The following PTPN14 variants were observed in gnomAD, a reference collection of about 807,000 sequenced individuals.
The protein encoded by PTPN14 is tyrosine-protein phosphatase non-receptor type 14.
PTPN14 carries 53 observed loss-of-function variants against 126.8 expected under a neutral mutation model. The ratio of observed to expected loss-of-function variants is 0.42; its 90% confidence interval spans 0.34 to 0.53. PTPN14 has a LOEUF of 0.53. PTPN14 is among the 20% of genes least tolerant of loss of function. PTPN14 has a pLI of 0.08. For synonymous variants in PTPN14, 630 were observed against 599.3 expected (o/e 1.05, Z -0.75); for missense variants, 1,257 against 1,552.9 (o/e 0.81, Z 3.20).
rs1162442710 is a variant in PTPN14, at chr1:214,543,795, T to C, written c.-155+7388A>G. On this transcript the variant is annotated intron_variant, in intron 1 of 18. Coordinates refer to ENST00000366956, the MANE Select transcript of PTPN14 (RefSeq NM_005401.5). ...CACCATGCCCAGCTAATTTTTGTAC[T>C]TTTAGTAGAGACGGGGGTTATTACT... 2.0e-5 allele frequency among the ~76,000 whole-genome samples: 3 copies of C among 152,152 alleles called. No homozygotes were observed. The East Asian group carries it at 5.8e-4, about 29-fold the overall frequency.
intron 8 of PTPN14, among the ~76,000 whole-genome samples, chr1:214,396,267 T>C (rs1254352602): frequency 2.6e-5 from 4 of 152,226 alleles, no homozygotes; most frequent in African/African-American, 9.7e-5. Flanking sequence ...GCATGTTTAC[T>C]CTCTATGTCA....
intron 2 of PTPN14, among the ~76,000 whole-genome samples, chr1:214,459,211 A>G (rs577401727): frequency 7.1e-4 from 106 of 149,784 alleles, no homozygotes; most frequent in African/African-American, 2.6e-3. Context: ...CAGTGGCACA[A>G]TCTCAATCTC....
At chr1:214,481,997 A>G (rs1487633624) in intron 1 of PTPN14, among the ~76,000 whole-genome samples, 1 of 152,006 alleles carries the variant, frequency 6.6e-6, no homozygotes, top group Non-Finnish European at 1.5e-5. Context: ...CAAAAAAAAA[A>G]AAAAAGGCAA....
Position 214,450,672 on chromosome 1 carries a change from G to A in PTPN14, c.344+1133C>T, listed in dbSNP as rs575550595. On this transcript the variant is annotated intron_variant, in intron 3 of 18. Transcript: ENST00000366956. ...CAAGCATTCAGAATGACAAGGTCCGGGTAAAAGGCAAAAAGTAAAGGGTTT... is the reference window on the plus strand; with the variant it reads ...CAAGCATTCAGAATGACAAGGTCCGAGTAAAAGGCAAAAAGTAAAGGGTTT... 4.6e-5 allele frequency among the ~76,000 whole-genome samples: 7 copies of A among 152,122 alleles called. No homozygotes were observed. The South Asian group carries it at 1.2e-3, about 27-fold the overall frequency.
intron 5 of PTPN14, among the ~76,000 whole-genome samples, chr1:214,410,151 T>C (rs537899649): frequency 3.9e-5 from 6 of 152,160 alleles, no homozygotes; most frequent in Non-Finnish European, 7.4e-5. Flanking sequence ...TTTGATACAA[T>C]CTCATTTATT....
At chr1:214,502,878 G>A (rs1002019889) in intron 1 of PTPN14, among the ~76,000 whole-genome samples, 10 of 152,112 alleles carry the variant, frequency 6.6e-5, no homozygotes, top group Admixed American at 5.9e-4. Flanking sequence ...ATGTATTCAG[G>A]CTTCCCTCAG....
At chr1:214,459,726 C>T (rs1040355910) in intron 2 of PTPN14, among the ~76,000 whole-genome samples, 11 of 152,138 alleles carry the variant, frequency 7.2e-5, no homozygotes, top group Non-Finnish European at 1.5e-4. Flanking sequence ...CTCGGCCTCC[C>T]AAAGTGCTGA....
chr1:214,550,502 T>C (rs1016743131), intron 1 of PTPN14, among the ~76,000 whole-genome samples: 2 of 152,180 alleles, frequency 1.3e-5, no homozygotes, highest in Non-Finnish European at 2.9e-5. Context: ...GTAAACCCCA[T>C]TTACAAGTAT....
intron 17 of PTPN14, among the ~76,000 whole-genome samples, chr1:214,366,796 G>A (rs1658091325): frequency 6.6e-6 from 1 of 151,996 alleles, no homozygotes; most frequent in Non-Finnish European, 1.5e-5. Flanking sequence ...CACGAGGTCA[G>A]GAGATGGAGA....
At chr1:214,420,368 A>G (rs553925630) in intron 3 of PTPN14, among the ~76,000 whole-genome samples, 112 of 152,384 alleles carry the variant, frequency 7.3e-4, no homozygotes, top group African/African-American at 2.5e-3. Context: ...TCATTGATCA[A>G]TAAATACCCT....
intron 5 of PTPN14, among the ~76,000 whole-genome samples, chr1:214,411,323 C>T (rs114126744): frequency 0.017 from 2,605 of 152,136 alleles, 83 homozygotes; most frequent in African/African-American, 0.059. Context: ...AGAAGTAAAA[C>T]TGTGCTTGAT....
chr1:214,387,544 C>T (rs1658648969), intron 11 of PTPN14, among the ~76,000 whole-genome samples: 1 of 151,644 alleles, frequency 6.6e-6, no homozygotes, highest in African/African-American at 2.4e-5. Flanking sequence ...CTGGGCGTGG[C>T]GACATGCACC....
intron 1 of PTPN14, among the ~76,000 whole-genome samples, chr1:214,539,104 T>C (rs1655778147): frequency 6.6e-6 from 1 of 152,180 alleles, no homozygotes; most frequent in Non-Finnish European, 1.5e-5. Flanking sequence ...TTTAAATGTT[T>C]AATCATTTTA....
intron 2 of PTPN14, among the ~76,000 whole-genome samples, chr1:214,459,672 T>C (rs2102645488): frequency 6.6e-6 from 1 of 152,078 alleles, no homozygotes; most frequent in Non-Finnish European, 1.5e-5. Flanking sequence ...TTTCACCATG[T>C]TGGCCAGGAT....
chr1:214,392,864 G>A (rs1000327595), intron 10 of PTPN14, among the ~76,000 whole-genome samples: 1 of 152,232 alleles, frequency 6.6e-6, no homozygotes, highest in Non-Finnish European at 1.5e-5. Flanking sequence ...TTCTTCAGCA[G>A]GAACTGCTCT....
At chr1:214,542,741 G>T (rs1196612924) in intron 1 of PTPN14, among the ~76,000 whole-genome samples, 1 of 152,192 alleles carries the variant, frequency 6.6e-6, no homozygotes, top group Non-Finnish European at 1.5e-5. Flanking sequence ...GGTGGAAAAT[G>T]ACTGGGCCTG....
intron 1 of PTPN14, among the ~76,000 whole-genome samples, chr1:214,527,251 C>T (rs1655423821): frequency 6.6e-6 from 1 of 152,222 alleles, no homozygotes; most frequent in Admixed American, 6.5e-5. Flanking sequence ...TGTCTGCGTG[C>T]AGGCAGAGGT....
At chr1:214,526,829 C>T (rs1465910213) in intron 1 of PTPN14, among the ~76,000 whole-genome samples, 3 of 152,168 alleles carry the variant, frequency 2.0e-5, no homozygotes, top group East Asian at 1.9e-4. Context: ...CGGTGGCTCA[C>T]GCCTGTAATC....
chr1:214,403,068 A>G (rs1659073036), intron 5 of PTPN14, 115 bp from the exon 6 acceptor site: 4 of 982,382 alleles, frequency 4.1e-6, no homozygotes, highest in Admixed American at 3.9e-5. Flanking sequence ...TTTCCTCAAT[A>G]TCTCCTTTAC....
Sources: gnomAD v4.1 joint callset for allele counts (sites outside exome capture counted in the v4.1 genomes callset) on GRCh38, gnomAD v4.1.1 for gene constraint, MANE v1.5 for transcripts, NCBI Gene and HGNC (gene_info 2026-07-23, HGNC 2026-07-21) for gene names.